TNIP3: variants seen among roughly 807,000 people sequenced by gnomAD.
The protein encoded by TNIP3 is TNFAIP3 interacting protein 3.
In TNIP3, 34 loss-of-function variants were observed where a neutral mutation model predicts 54.1. That is an observed-to-expected ratio of 0.63 (90% CI 0.48 to 0.84). The LOEUF is 0.84. Among genes scored for constraint, TNIP3 ranks in the 40% least tolerant of loss-of-function variants. The probability of loss-of-function intolerance (pLI) is 0.00; values close to 1 mark genes in which losing one functional copy is unlikely to be tolerated. For missense variants in TNIP3, 366 were observed against 387.6 expected, an observed-to-expected ratio of 0.94 and a Z score of 0.47; for synonymous variants, 134 against 136.8, an observed-to-expected ratio of 0.98 and a Z score of 0.14.
At chr4:121,173,387 C>G (rs1409871599) in intron 3 of TNIP3, among the ~76,000 whole-genome samples, 1 of 151,990 alleles carries the variant, frequency 6.6e-6, no homozygotes, top group East Asian at 1.9e-4. Flanking sequence ...AATTAGTGGT[C>G]AGAAAAGAGA....
At chr4:121,217,506 T>G (rs1273540015), upstream of TNIP3, among the ~76,000 whole-genome samples, 1 of 152,222 alleles carries the variant, frequency 6.6e-6, no homozygotes, top group African/African-American at 2.4e-5. Flanking sequence ...GAAAATCATC[T>G]GTTACCACCA....
chr4:121,137,748 A>C (rs1728873103), intron 10 of TNIP3: 3 of 332,326 alleles, frequency 9.0e-6, no homozygotes, highest in Non-Finnish European at 1.2e-5. Context: ...ACTTCAAACG[A>C]GATCAAATTT....
chr4:121,195,187 C>A (rs1413146900), intron 2 of TNIP3, among the ~76,000 whole-genome samples: 2 of 151,990 alleles, frequency 1.3e-5, no homozygotes, highest in Non-Finnish European at 2.9e-5. Flanking sequence ...AAAAAAACTT[C>A]TTAATTAAGT....
At chr4:121,204,777 C>T (rs1726091343) in intron 2 of TNIP3, among the ~76,000 whole-genome samples, 1 of 152,120 alleles carries the variant, frequency 6.6e-6, no homozygotes, top group Non-Finnish European at 1.5e-5. Context: ...AATAGTGCTT[C>T]TTGGTTATTT....
chr4:121,149,999 A>G, intron 6 of TNIP3, 104 bp downstream of exon 6: 1 of 702,680 alleles, frequency 1.4e-6, no homozygotes, highest in Non-Finnish European at 2.5e-6. Flanking sequence ...AAATGCAAAA[A>G]CCTTTGACAT....
chr4:121,221,858 G>C (rs542525064), intron 1 of TNIP3, among the ~76,000 whole-genome samples: 1 of 152,216 alleles, frequency 6.6e-6, no homozygotes, highest in South Asian at 2.1e-4. Context: ...TAGCAGTAAA[G>C]TTTTTTGCCA....
intron 1 of TNIP3, among the ~76,000 whole-genome samples, chr4:121,225,792 C>T (rs1347710037): frequency 6.6e-6 from 1 of 152,114 alleles, no homozygotes; most frequent in Non-Finnish European, 1.5e-5. Flanking sequence ...CCGACCTGGA[C>T]AAGGAGGCCC....
intron 2 of TNIP3, among the ~76,000 whole-genome samples, chr4:121,191,818 G>T (rs888046963): frequency 4.6e-5 from 7 of 152,058 alleles, no homozygotes; most frequent in Non-Finnish European, 1.0e-4. Flanking sequence ...TATTGTTAAG[G>T]CTGAGTTTCA....
At chr4:121,178,540 A>G (rs77800522) in intron 3 of TNIP3, among the ~76,000 whole-genome samples, 3,993 of 152,272 alleles carry the variant, frequency 0.026, 87 homozygotes, top group Admixed American at 0.037. Context: ...AGGTGCTCCT[A>G]AGAGTGGTAC....
At chr4:121,190,341 G>A (rs1380092616) in intron 2 of TNIP3, among the ~76,000 whole-genome samples, 1 of 152,068 alleles carries the variant, frequency 6.6e-6, no homozygotes. Flanking sequence ...GAGCCTCACA[G>A]AGCCTCATCA....
intron 2 of TNIP3, among the ~76,000 whole-genome samples, chr4:121,187,548 G>A (rs1725084988): frequency 6.6e-6 from 1 of 152,166 alleles, no homozygotes; most frequent in Non-Finnish European, 1.5e-5. Flanking sequence ...AATAAAGAAG[G>A]ACCATGGAGG....
At chr4:121,210,260 T>C (rs1316302079) in intron 2 of TNIP3, among the ~76,000 whole-genome samples, 4 of 152,180 alleles carry the variant, frequency 2.6e-5, no homozygotes, top group African/African-American at 9.6e-5. Flanking sequence ...TACTATTACA[T>C]AGAGATAAAA....
chr4:121,176,878 G>C (rs1456616319), intron 3 of TNIP3, among the ~76,000 whole-genome samples: 1 of 152,082 alleles, frequency 6.6e-6, no homozygotes, highest in Non-Finnish European at 1.5e-5. Context: ...TCCAGGTCTA[G>C]AACTTGTCCC....
At chr4:121,199,138 G>T (rs888050702) in intron 2 of TNIP3, among the ~76,000 whole-genome samples, 1 of 151,984 alleles carries the variant, frequency 6.6e-6, no homozygotes, top group African/African-American at 2.4e-5. Context: ...GAGAGAGAGT[G>T]GATAGATAAT....
upstream of TNIP3, among the ~76,000 whole-genome samples, chr4:121,217,257 A>G (rs1306379043): frequency 1.3e-5 from 2 of 152,184 alleles, no homozygotes; most frequent in African/African-American, 4.8e-5. Context: ...ATGCATCTGG[A>G]AACCACCAAT....
chr4:121,147,258 T>A, intron 6 of TNIP3, 84 bp from the exon 7 acceptor site: 1 of 1,494,554 alleles, frequency 6.7e-7, no homozygotes, highest in Non-Finnish European at 9.0e-7. Context: ...GACTGCTGCC[T>A]ACTCCATTAT....
chr4:121,186,804 G>A (rs1329879273), intron 2 of TNIP3, among the ~76,000 whole-genome samples: 1 of 152,156 alleles, frequency 6.6e-6, no homozygotes, highest in Non-Finnish European at 1.5e-5. Context: ...CACAAAAAAT[G>A]TTCATTGGGT....
chr4:121,211,165 G>A (rs367800291), intron 2 of TNIP3, among the ~76,000 whole-genome samples: 146 of 152,272 alleles, frequency 9.6e-4, no homozygotes, highest in African/African-American at 3.4e-3. Context: ...CTCTAGTTCA[G>A]TTGTCTTGGA....
chr4:121,165,337 G>A (rs942211638), upstream of TNIP3, among the ~76,000 whole-genome samples: 2 of 151,580 alleles, frequency 1.3e-5, no homozygotes, highest in Admixed American at 6.6e-5. Flanking sequence ...ATGGTTCTAC[G>A]CCCCTGAGCT....
Sources: gnomAD v4.1 joint callset for allele counts (sites outside exome capture counted in the v4.1 genomes callset) on GRCh38, gnomAD v4.1.1 for gene constraint, MANE v1.5 for transcripts, NCBI Gene and HGNC (gene_info 2026-07-23, HGNC 2026-07-21) for gene names.